Variants in GALNT18 observed in about 807,000 individuals in gnomAD.
GALNT18 encodes the protein polypeptide N-acetylgalactosaminyltransferase 18, also known as GalNAc-transferase 18.
GALNT18 carries 44 observed loss-of-function variants against 69.5 expected under a neutral mutation model. The observed-to-expected ratio is 0.63, with a 90% CI of 0.50 to 0.81. The LOEUF is 0.81. Among genes scored for constraint, GALNT18 ranks in the 40% least tolerant of loss-of-function variants. The probability of loss-of-function intolerance (pLI) is 0.00; values close to 1 mark genes in which losing one functional copy is unlikely to be tolerated. For synonymous variants in GALNT18, 364 were observed against 318.2 expected (o/e 1.14, Z -1.53); for missense variants, 715 against 810.0 (o/e 0.88, Z 1.42).
chr11:11,453,264 T>C (rs542253973), intron 1 of GALNT18, among the ~76,000 whole-genome samples: 1 of 152,232 alleles, frequency 6.6e-6, no homozygotes, highest in African/African-American at 2.4e-5. Context: ...CCTTCTCTGA[T>C]CAGAACCCTC....
chr11:11,311,331 G>A (rs548503760), intron 9 of GALNT18, among the ~76,000 whole-genome samples: 31 of 152,168 alleles, frequency 2.0e-4, no homozygotes, highest in East Asian at 1.2e-3. Context: ...GGGAGGGCAC[G>A]GTATACATGC....
rs765544436 is a variant in GALNT18, at chr11:11,432,782, C to T, written c.434G>A (p.Arg145His). 1.7e-5 allele frequency: 28 copies of T among 1,613,420 alleles called. No individual in the cohort carries two copies. The highest frequency in any genetic ancestry group is 6.7e-5 in the East Asian group (3 of 44,864). The change falls in exon 3 of 11, where the codon CGT (arginine) becomes CAT (histidine). Residue 145 changes from arginine (R) to histidine (H), a missense_variant. By Grantham distance (29) the Arg-to-His change is conservative. Coordinates refer to ENST00000227756, the MANE Select transcript of GALNT18 (RefSeq NM_198516.3). This position sits in a 1 kb window ranked among gnomAD's most constrained non-coding sequence, Gnocchi z 5.8. ...CAGGCTGTCAGGAAATGAGAGGTTA[C>T]GGCACCTGCAAAGAACAGCCAAGCG... The part of the protein sequence containing the change: ...PLPDLRPSGC[R>H]NLSFPDSLPE...
At chr11:11,581,574 G>A (rs981366875) in intron 1 of GALNT18, among the ~76,000 whole-genome samples, 2 of 151,914 alleles carry the variant, frequency 1.3e-5, no homozygotes, top group Non-Finnish European at 2.9e-5. Flanking sequence ...CCCTTGGCAG[G>A]ACTTGGTCAC....
chr11:11,608,300 T>A (rs552078820), intron 1 of GALNT18, among the ~76,000 whole-genome samples: 11 of 152,334 alleles, frequency 7.2e-5, no homozygotes, highest in African/African-American at 2.6e-4. Context: ...AAAAGGGAAC[T>A]TGTTGTCCCC....
rs925803713 is a variant in GALNT18 at position 11,404,602 on chromosome 11, T to A, written c.596-25338A>T. On this transcript the variant is annotated intron_variant, in intron 3 of 10. Coordinates refer to ENST00000227756, the MANE Select transcript of GALNT18 (RefSeq NM_198516.3). The surrounding 1 kb of genome is among the most constrained non-coding windows in gnomAD (Gnocchi z 4.5). ...CACGGCTCCATCCAAACCTAAGCCC[T>A]CCGCCCCACCCTGCGTTCTGGAATT... Among the ~76,000 whole-genome samples the A allele has an allele frequency of 6.6e-6, 1 of 152,082 alleles. No homozygotes were observed. The highest frequency in any genetic ancestry group is 1.5e-5 in the Non-Finnish European group (1 of 68,020).
intron 1 of GALNT18, among the ~76,000 whole-genome samples, chr11:11,453,622 C>G (rs1310123293): frequency 1.3e-5 from 2 of 152,118 alleles, no homozygotes; most frequent in African/African-American, 4.8e-5. Context: ...GTGGGAGGGA[C>G]CCGGTGGAGG....
chr11:11,360,387 A>G (rs766260796), intron 6 of GALNT18, among the ~76,000 whole-genome samples: 17 of 152,236 alleles, frequency 1.1e-4, no homozygotes, highest in African/African-American at 4.1e-4. Flanking sequence ...CGTTTAGCAC[A>G]TTAACCTGAA....
chr11:11,462,446 T>A (rs1463278375), intron 1 of GALNT18, among the ~76,000 whole-genome samples: 2 of 151,392 alleles, frequency 1.3e-5, no homozygotes, highest in African/African-American at 4.9e-5. Flanking sequence ...CCGGCTAATT[T>A]TTTATTTATT....
intron 6 of GALNT18, chr11:11,352,403 A>T: frequency 6.2e-7 from 1 of 1,614,150 alleles, no homozygotes; most frequent in Non-Finnish European, 8.5e-7. Flanking sequence ...CCAACTGATC[A>T]TAATTGTCAC....
intron 1 of GALNT18, among the ~76,000 whole-genome samples, chr11:11,481,920 A>G (rs527344275): frequency 2.6e-5 from 4 of 152,346 alleles, no homozygotes; most frequent in Non-Finnish European, 4.4e-5. Flanking sequence ...CCTTCAAAGC[A>G]TAGCTTAAAT....
chr11:11,414,735 T>G (rs1342839002), intron 3 of GALNT18, among the ~76,000 whole-genome samples: 1 of 152,210 alleles, frequency 6.6e-6, no homozygotes, highest in Non-Finnish European at 1.5e-5. Flanking sequence ...ATATTCCCAG[T>G]GTACAGCACA....
At chr11:11,487,023 A>T (rs2133878789) in intron 1 of GALNT18, among the ~76,000 whole-genome samples, 1 of 152,302 alleles carries the variant, frequency 6.6e-6, no homozygotes, top group South Asian at 2.1e-4. Context: ...TCCTCCAATA[A>T]GTAAATATGC....
At chr11:11,366,601 AT>A (rs1450700969) in intron 6 of GALNT18, among the ~76,000 whole-genome samples, 2 of 152,216 alleles carry the variant, frequency 1.3e-5, no homozygotes, top group Non-Finnish European at 1.5e-5. Flanking sequence ...TCAGCATTTG[AT>A]TGCTGTGAGC....
rs1234713467 is a variant in GALNT18, at chr11:11,436,068, GC to G, written c.429-3282del. ...GTTTCTCCACACCTGACCTAATGTG[GC>G]CCTGCGTGAGCAGAGAGGCGAGGGG... On this transcript the variant is annotated intron_variant, in intron 2 of 10. Coordinates refer to ENST00000227756, the MANE Select transcript of GALNT18 (RefSeq NM_198516.3). This position sits in a 1 kb window ranked among gnomAD's most constrained non-coding sequence, Gnocchi z 4.5. Among the ~76,000 whole-genome samples the G allele has an allele frequency of 6.6e-6, 1 of 152,210 alleles. No homozygotes were observed. Among genetic ancestry groups the G allele is most frequent in the Non-Finnish European group, 1.5e-5 (1 of 68,046 alleles).
chr11:11,277,349 G>A (rs1039378550), intron 10 of GALNT18, among the ~76,000 whole-genome samples: 11 of 152,054 alleles, frequency 7.2e-5, no homozygotes, highest in African/African-American at 2.4e-4. Context: ...TGGGATCAGT[G>A]GTAATATCCC....
In GALNT18 at chr11:11,319,943, C is replaced by T. The variant is rs937764093; in HGVS notation, c.1512+7143G>A. On this transcript the variant is annotated intron_variant, in intron 9 of 10. Transcript: ENST00000227756. Reference sequence around the variant, plus strand: ...TGTGTACCAGATTTTGTTCTCTAAACGCTTTATGTGCATTGATTTATTTAA... The same window carrying T: ...TGTGTACCAGATTTTGTTCTCTAAATGCTTTATGTGCATTGATTTATTTAA... 9.2e-5 allele frequency among the ~76,000 whole-genome samples: 14 copies of T among 152,122 alleles called. 1 individual carries two copies. Among genetic ancestry groups the T allele is most frequent in the Admixed American group, 4.6e-4 (7 of 15,280 alleles).
At chr11:11,578,107 G>A (rs2133902119) in intron 1 of GALNT18, among the ~76,000 whole-genome samples, 1 of 152,276 alleles carries the variant, frequency 6.6e-6, no homozygotes, top group Non-Finnish European at 1.5e-5. Context: ...AGGCACACGA[G>A]CCTCAGCCAG....
At chr11:11,446,088 C>T (rs1855645237) in intron 2 of GALNT18, among the ~76,000 whole-genome samples, 2 of 152,198 alleles carry the variant, frequency 1.3e-5, no homozygotes, top group African/African-American at 2.4e-5. Context: ...GATCCGGCAT[C>T]TGAGACATGG....
At chr11:11,424,100 T>A (rs1280827736) in intron 3 of GALNT18, among the ~76,000 whole-genome samples, 1 of 152,176 alleles carries the variant, frequency 6.6e-6, no homozygotes, top group Non-Finnish European at 1.5e-5. Flanking sequence ...GGGAAACCCT[T>A]CCTGGCCAAG....
Sources: gnomAD v4.1 joint callset for allele counts (sites outside exome capture counted in the v4.1 genomes callset) on GRCh38, gnomAD v4.1.1 for gene constraint, Gnocchi (gnomAD v3.1) non-coding constraint, MANE v1.5 for transcripts, NCBI Gene and HGNC (gene_info 2026-07-23, HGNC 2026-07-21) for gene names.